The following SLC49A4 variants were observed in gnomAD, a reference collection of about 807,000 sequenced individuals.
SLC49A4 encodes the protein solute carrier family 49 member 4, also known as disrupted in renal cancer protein 2.
In SLC49A4, 36 loss-of-function variants were observed where a neutral mutation model predicts 50.6. The observed-to-expected ratio is 0.71, with a 90% CI of 0.55 to 0.94. The LOEUF (loss-of-function observed/expected upper bound fraction) is 0.94, where lower values mean the gene tolerates loss of function less well. SLC49A4 is among the 40% of genes least tolerant of loss of function. The pLI is 0.00. For synonymous variants in SLC49A4, 248 were observed against 241.2 expected (o/e 1.03, Z -0.26); for missense variants, 503 against 605.7 (o/e 0.83, Z 1.78).
intron 1 of SLC49A4, among the ~76,000 whole-genome samples, chr3:122,802,774 A>G (rs1182896194): frequency 6.6e-6 from 1 of 152,212 alleles, no homozygotes; most frequent in East Asian, 1.9e-4. Flanking sequence ...AAAAAAATAT[A>G]CTGGACAGGA....
At position 122,821,585 on chromosome 3, in the gene SLC49A4, C is replaced by T. The variant is rs565382701; in HGVS notation, c.438-5215C>T. ...CGTGCTTTCATCAGGTGTGGAGTTTCGGGTAAGGAGGCAAGAGTCAGACCC... is the reference window on the plus strand; with the variant it reads ...CGTGCTTTCATCAGGTGTGGAGTTTTGGGTAAGGAGGCAAGAGTCAGACCC... On this transcript the variant is annotated intron_variant, in intron 2 of 8. Transcript: ENST00000261038. Among the ~76,000 whole-genome samples the T allele has an allele frequency of 1.2e-4, 18 of 152,242 alleles. No homozygotes were observed. The South Asian group carries it at 2.3e-3, about 19-fold the overall frequency.
chr3:122,874,625 C>G (rs1274181340), intron 8 of SLC49A4, among the ~76,000 whole-genome samples: 1 of 152,118 alleles, frequency 6.6e-6, no homozygotes, highest in Non-Finnish European at 1.5e-5. Context: ...CTTTTAGATT[C>G]AAGGAGTACA....
At chr3:122,878,350 G>A (rs916515833) in intron 8 of SLC49A4, among the ~76,000 whole-genome samples, 6 of 152,132 alleles carry the variant, frequency 3.9e-5, no homozygotes, top group East Asian at 3.8e-4. Flanking sequence ...TCTTTATGCC[G>A]AGGAGCTATT....
At chr3:122,815,729 T>C (rs1395814297) in intron 2 of SLC49A4, among the ~76,000 whole-genome samples, 1 of 152,176 alleles carries the variant, frequency 6.6e-6, no homozygotes, top group Non-Finnish European at 1.5e-5. Context: ...CTGAAAGTAA[T>C]TTCTTTGATT....
rs111894306 is a variant in SLC49A4 at position 122,807,536 on chromosome 3, G to C, written c.437+586G>C. ...TGGATTTATTCTTAGGGAGTGTAAG[G>C]TATACGAAGGTTTTAAATTTTGTTT... On this transcript the variant is annotated intron_variant, in intron 2 of 8. Transcript: ENST00000261038. Among the ~76,000 whole-genome samples, 560 of 152,204 alleles carry C rather than the reference G, an allele frequency of 3.7e-3. 4 individuals carry two copies. Among genetic ancestry groups the C allele is most frequent in the African/African-American group, 0.012 (481 of 41,532 alleles).
At chr3:122,808,165 A>G (rs1318140570) in intron 2 of SLC49A4, among the ~76,000 whole-genome samples, 1 of 152,266 alleles carries the variant, frequency 6.6e-6, no homozygotes, top group East Asian at 1.9e-4. Flanking sequence ...GTAATGTAGT[A>G]AATTACATAG....
intron 1 of SLC49A4, among the ~76,000 whole-genome samples, chr3:122,802,701 A>G (rs1419999504): frequency 6.6e-6 from 1 of 152,212 alleles, no homozygotes; most frequent in Non-Finnish European, 1.5e-5. Flanking sequence ...ACAACATTGA[A>G]CTTCTAGAAA....
chr3:122,880,689 T>C lies in SLC49A4; in HGVS notation c.*1311T>C, dbSNP rs1483855998. The C allele has an allele frequency of 6.6e-6, 1 of 152,292 alleles. No individual in the cohort carries two copies. Among genetic ancestry groups the C allele is most frequent in the Non-Finnish European group, 1.5e-5 (1 of 68,112 alleles). The allele number at this position is 152,292 out of a possible 1,614,324, so 9.4% of individuals were successfully genotyped here. A position where few individuals can be genotyped will look rare whatever the true frequency, so the allele number is the denominator to read the frequency against. ...GAACCTTCATTGTCAGCTAAGTATA[T>C]ATACTTTTGTGTTTTCCTGGACAGA... On this transcript the variant is annotated 3_prime_UTR_variant, in exon 9 of 9. Transcript: ENST00000261038.
chr3:122,860,619 G>T (rs892381757), intron 7 of SLC49A4, among the ~76,000 whole-genome samples: 2 of 152,096 alleles, frequency 1.3e-5, no homozygotes, highest in African/African-American at 4.8e-5. Context: ...TTTACATTTA[G>T]TGTTATTCCA....
chr3:122,861,317 CTATGACAGATTAT>C (rs796447726), intron 7 of SLC49A4, among the ~76,000 whole-genome samples: 1 of 152,158 alleles, frequency 6.6e-6, no homozygotes, highest in South Asian at 2.1e-4. Context: ...TTTAAAATTA[CTATGACAGATTAT>C]TATTGGCTTA....
chr3:122,817,747 A>ATTTTTTT (rs77819385), intron 2 of SLC49A4, among the ~76,000 whole-genome samples: 11 of 71,892 alleles, frequency 1.5e-4, no homozygotes, highest in Non-Finnish European at 2.2e-4. Context: ...CACCCAGCTA[A>ATTTTTTT]TTTTTTTTTT....
chr3:122,795,391 C>G lies in SLC49A4; in HGVS notation c.199C>G (p.Leu67Val), dbSNP rs1231710172. The G allele has an allele frequency of 2.5e-6, 4 of 1,606,030 alleles. No individual in the cohort carries two copies. In the Admixed American group the frequency reaches 6.7e-5, roughly 27 times the overall value. ...CTCGCTGCTGGCGTTCGTTCAGGGC[C>G]TGGTCTGGAACACCTGGGGTCCCAT... ...LFSLLAFVQG[L>V]VWNTWGPIQN... Residue 67 changes from leucine (L) to valine (V), a missense_variant, in exon 1 of 9, where the codon CTG becomes GTG. Physicochemically the swap from Leu to Val is conservative, Grantham distance 32 (BLOSUM62 1). Transcript: ENST00000261038.
intron 7 of SLC49A4, among the ~76,000 whole-genome samples, chr3:122,860,954 CA>C (rs781014145): frequency 1.7e-4 from 26 of 152,318 alleles, no homozygotes; most frequent in Non-Finnish European, 2.9e-4. Context: ...AGGTCACCCA[CA>C]TTCCTTGTTT....
Position 122,796,342 on chromosome 3 carries a change from G to A in SLC49A4, c.343+807G>A, listed in dbSNP as rs372837274. Among the ~76,000 whole-genome samples, 87 of 152,322 alleles carry A rather than the reference G, an allele frequency of 5.7e-4. 1 individual carries two copies. The East Asian group carries it at 8.9e-3, about 16-fold the overall frequency. ...TTGAATAATGCCTGGGAGCTACTTTGTACAGTTTCTGTTCAACCTTTTATA... is the reference window on the plus strand; with the variant it reads ...TTGAATAATGCCTGGGAGCTACTTTATACAGTTTCTGTTCAACCTTTTATA... On this transcript the variant is annotated intron_variant, in intron 1 of 8. Transcript: ENST00000261038.
At chr3:122,796,262 T>C (rs1936037868) in intron 1 of SLC49A4, among the ~76,000 whole-genome samples, 1 of 152,192 alleles carries the variant, frequency 6.6e-6, no homozygotes, top group African/African-American at 2.4e-5. Context: ...GATAAATGAT[T>C]AGTAGTGACA....
At chr3:122,846,697 T>TA (rs1199354772) in intron 5 of SLC49A4, among the ~76,000 whole-genome samples, 2 of 152,244 alleles carry the variant, frequency 1.3e-5, no homozygotes, top group African/African-American at 4.8e-5. Context: ...GTGATAATAT[T>TA]AGTCTTTTTC....
chr3:122,806,512 G>A (rs1936220437), intron 1 of SLC49A4, among the ~76,000 whole-genome samples: 2 of 151,754 alleles, frequency 1.3e-5, no homozygotes, highest in Admixed American at 1.3e-4. Context: ...CGAGTAGCCG[G>A]GATTACAGGT....
Position 122,795,434 on chromosome 3 carries a change from A to G in SLC49A4, c.242A>G (p.Gln81Arg). 1 of 1,608,134 alleles carries G rather than the reference A, an allele frequency of 6.2e-7. No individual in the cohort carries two copies. The highest frequency in any genetic ancestry group is 8.5e-7 in the Non-Finnish European group (1 of 1,179,056). Residue 81 changes from glutamine (Q) to arginine (R), a missense_variant, in exon 1 of 9, where the codon CAG becomes CGG. Coordinates refer to ENST00000261038, the MANE Select transcript of SLC49A4 (RefSeq NM_032839.3). Reference sequence around the variant, plus strand: ...GGTCCCATCCAGAACTCGGCGCGCCAGGCCTACGGCTTCTCCAGCTGGGAC... The same window carrying G: ...GGTCCCATCCAGAACTCGGCGCGCCGGGCCTACGGCTTCTCCAGCTGGGAC... The part of the protein sequence containing the change: ...TWGPIQNSAR[Q>R]AYGFSSWDIA...
At chr3:122,845,737 T>C in intron 4 of SLC49A4, 26 bp from the exon 5 acceptor site, 4 of 1,370,246 alleles carry the variant, frequency 2.9e-6, no homozygotes, top group Non-Finnish European at 4.0e-6. Flanking sequence ...TTTGTTACAA[T>C]GTTTCCTTTT....
Sources: allele counts gnomAD v4.1 joint callset (sites outside exome capture counted in the v4.1 genomes callset), GRCh38; gene constraint gnomAD v4.1.1; transcripts MANE v1.5; gene names NCBI Gene and HGNC (gene_info 2026-07-23, HGNC 2026-07-21).